ARHGEF26: variants seen among roughly 807,000 people sequenced by gnomAD.
The protein encoded by ARHGEF26 is Rho guanine nucleotide exchange factor 26.
In ARHGEF26, 59 loss-of-function variants were observed where a neutral mutation model predicts 89.4. The ratio of observed to expected loss-of-function variants is 0.66; its 90% confidence interval spans 0.54 to 0.82. ARHGEF26 has a LOEUF of 0.82. Ranked by LOEUF, ARHGEF26 falls within the 40% of genes least tolerant of loss-of-function variation. The probability of loss-of-function intolerance (pLI) is 0.00; values close to 1 mark genes in which losing one functional copy is unlikely to be tolerated. For missense variants in ARHGEF26, 1,234 were observed against 1,085.6 expected (o/e 1.14, Z -1.92); for synonymous variants, 500 against 428.4 (o/e 1.17, Z -2.06).
chr3:154,241,259 C>T (rs1717466831), intron 12 of ARHGEF26, among the ~76,000 whole-genome samples: 1 of 152,144 alleles, frequency 6.6e-6, no homozygotes, highest in Admixed American at 6.5e-5. Context: ...TGGAAACTTC[C>T]TCTTGCAATA....
Position 154,255,945 on chromosome 3 carries a change from A to C in ARHGEF26, c.*472A>C. On this transcript the variant is annotated 3_prime_UTR_variant, in exon 15 of 15. Transcript: ENST00000465093. The stretch of plus-strand genomic sequence containing the variant: ...CCTGCCTTTTTTTTTCTTTTTTTAC[A>C]TCTGATTTTAATGCTTCGTTAACTT... 1.0e-6 allele frequency: 1 copy of C among 985,830 alleles called. No homozygotes were observed. The highest frequency in any genetic ancestry group is 1.2e-6 in the Non-Finnish European group (1 of 830,466). 61.1% of individuals were successfully genotyped at this position (985,830 alleles called of 1,614,324 possible).
At chr3:154,130,012 C>G (rs533584457) in intron 4 of ARHGEF26, among the ~76,000 whole-genome samples, 11 of 152,154 alleles carry the variant, frequency 7.2e-5, no homozygotes, top group African/African-American at 2.7e-4. Context: ...ATAGCCTGCA[C>G]TTTATCATAA....
At position 154,202,335 on chromosome 3, in the gene ARHGEF26, G is replaced by A. The variant is rs543996333; in HGVS notation, c.1845+7617G>A. On this transcript the variant is annotated intron_variant, in intron 9 of 14. Coordinates refer to ENST00000465093, the MANE Select transcript of ARHGEF26 (RefSeq NM_015595.4). ...GTTGTAGATATGCGGCATTATTTCTGAGGGCTCTGTTCTGTTCCCTTGGTC... is the reference window on the plus strand; with the variant it reads ...GTTGTAGATATGCGGCATTATTTCTAAGGGCTCTGTTCTGTTCCCTTGGTC... 2.6e-4 allele frequency among the ~76,000 whole-genome samples: 39 copies of A among 152,216 alleles called. No individual in the cohort carries two copies. In the South Asian group the frequency reaches 5.4e-3, roughly 21 times the overall value.
chr3:154,239,494 G>A (rs932559778), intron 11 of ARHGEF26, among the ~76,000 whole-genome samples: 3 of 151,974 alleles, frequency 2.0e-5, no homozygotes, highest in Non-Finnish European at 2.9e-5. Flanking sequence ...GGAGGAGGAA[G>A]TGATCATTGT....
chr3:154,122,064 T>A lies in ARHGEF26; in HGVS notation c.72T>A (p.Pro24=). ...CTTTGTGGCGGAGGCGGTCGATTCC[T>A]CAGCCCCACCAGGTTCTGGGCCGGA... ...ITPLWRRRSI[P]QPHQVLGRSK... Residue 24 remains proline (P), a synonymous_variant, in exon 2 of 15, where the codon CCT becomes CCA. Coordinates refer to ENST00000465093, the MANE Select transcript of ARHGEF26 (RefSeq NM_015595.4). 1 of 1,612,852 alleles carries A rather than the reference T, an allele frequency of 6.2e-7. No homozygotes were observed. Among genetic ancestry groups the A allele is most frequent in the Admixed American group, 1.7e-5 (1 of 59,892 alleles).
At chr3:154,232,110 G>A (rs940731617) in intron 11 of ARHGEF26, among the ~76,000 whole-genome samples, 33 of 152,258 alleles carry the variant, frequency 2.2e-4, no homozygotes, top group African/African-American at 7.9e-4. Context: ...GCTTAGTTCA[G>A]CTTATCCCAG....
At chr3:154,240,755 ATCT>A (rs1406398664) in intron 12 of ARHGEF26, among the ~76,000 whole-genome samples, 176 bp downstream of exon 12, 1 of 152,274 alleles carries the variant, frequency 6.6e-6, no homozygotes, top group Non-Finnish European at 1.5e-5. Context: ...TTTCATTGTA[ATCT>A]TCTTACAGGA....
At position 154,255,577 on chromosome 3, in the gene ARHGEF26, A is replaced by AATT. The variant is rs1718448342; in HGVS notation, c.*105_*106insTTA. Reference sequence around the variant, plus strand: ...TAATTTTGTCACAGCCTATTTAATTAAAAGAACGAAAACACTTGCCTTTAA... The same window carrying AATT: ...TAATTTTGTCACAGCCTATTTAATTAATTAAAGAACGAAAACACTTGCCTTTAA... On this transcript the variant is annotated 3_prime_UTR_variant, in exon 15 of 15. Coordinates refer to ENST00000465093, the MANE Select transcript of ARHGEF26 (RefSeq NM_015595.4). 3 of 1,476,224 alleles carry AATT rather than the reference A, an allele frequency of 2.0e-6. No homozygotes were observed. In the South Asian group the frequency reaches 4.3e-5, roughly 21 times the overall value. 91.4% of individuals were successfully genotyped at this position (1,476,224 alleles called of 1,614,324 possible). A position where few individuals can be genotyped will look rare whatever the true frequency, so the allele number is the denominator to read the frequency against.
intron 4 of ARHGEF26, among the ~76,000 whole-genome samples, chr3:154,133,397 C>A (rs1412457304): frequency 6.6e-6 from 1 of 151,984 alleles, no homozygotes; most frequent in East Asian, 2.0e-4. Context: ...AAATGATAGT[C>A]ATTTGTTTAA....
intron 13 of ARHGEF26, 24 bp from the exon 14 acceptor site, chr3:154,254,696 T>C (rs370996245): frequency 6.3e-7 from 1 of 1,595,616 alleles, no homozygotes; most frequent in Non-Finnish European, 8.6e-7. Context: ...ACTGGAAACT[T>C]AGTATGTCCT....
chr3:154,199,732 G>T (rs1193538217), intron 9 of ARHGEF26, among the ~76,000 whole-genome samples: 2 of 152,020 alleles, frequency 1.3e-5, no homozygotes, highest in African/African-American at 4.8e-5. Context: ...ATTTGTTATT[G>T]CCTGTCTTTT....
At chr3:154,175,504 A>G (rs1366609570) in intron 6 of ARHGEF26, among the ~76,000 whole-genome samples, 1 of 152,188 alleles carries the variant, frequency 6.6e-6, no homozygotes, top group African/African-American at 2.4e-5. Context: ...TTAAAATTGT[A>G]TTTTCAAAAA....
intron 4 of ARHGEF26, among the ~76,000 whole-genome samples, chr3:154,146,186 A>G (rs1472930016): frequency 3.9e-5 from 6 of 152,238 alleles, no homozygotes; most frequent in African/African-American, 1.2e-4. Flanking sequence ...TTTCTGGCAC[A>G]TAGTGCCTTC....
chr3:154,224,909 A>G (rs944342899), intron 10 of ARHGEF26, among the ~76,000 whole-genome samples: 5 of 152,098 alleles, frequency 3.3e-5, no homozygotes, highest in Non-Finnish European at 5.9e-5. Flanking sequence ...AATTTCCTTT[A>G]GCTATTTTTA....
intron 9 of ARHGEF26, among the ~76,000 whole-genome samples, chr3:154,195,778 T>A (rs1248049322): frequency 6.6e-6 from 1 of 152,058 alleles, no homozygotes; most frequent in Non-Finnish European, 1.5e-5. Flanking sequence ...GATTTGGGAA[T>A]CATCAGCATA....
At chr3:154,195,613 C>T (rs1371718980) in intron 9 of ARHGEF26, among the ~76,000 whole-genome samples, 1 of 152,124 alleles carries the variant, frequency 6.6e-6, no homozygotes, top group Non-Finnish European at 1.5e-5. Context: ...GCTTGGGCAG[C>T]GAGGTAGATG....
chr3:154,225,157 G>T (rs148067224), intron 10 of ARHGEF26, among the ~76,000 whole-genome samples: 1 of 152,076 alleles, frequency 6.6e-6, no homozygotes, highest in Non-Finnish European at 1.5e-5. Context: ...AAAGCAGTAT[G>T]TAATTTTTTG....
chr3:154,200,328 A>C (rs1714552004), intron 9 of ARHGEF26, among the ~76,000 whole-genome samples: 1 of 152,106 alleles, frequency 6.6e-6, no homozygotes. Context: ...TCTTTTCCTC[A>C]GTGTATGTTT....
intron 5 of ARHGEF26, among the ~76,000 whole-genome samples, chr3:154,150,890 A>G (rs898337135): frequency 1.3e-5 from 2 of 152,178 alleles, no homozygotes; most frequent in African/African-American, 2.4e-5. Flanking sequence ...TTGCTTTTAA[A>G]TAGTTGATGG....
Sources: allele counts gnomAD v4.1 joint callset (sites outside exome capture counted in the v4.1 genomes callset), GRCh38; gene constraint gnomAD v4.1.1; transcripts MANE v1.5; gene names NCBI Gene and HGNC (gene_info 2026-07-23, HGNC 2026-07-21).